The following DAPK1 variants were observed in gnomAD, a reference collection of about 807,000 sequenced individuals.
The protein encoded by DAPK1 is death-associated protein kinase 1.
A neutral mutation model predicts 144.9 loss-of-function variants in DAPK1; 56 were observed. The ratio of observed to expected loss-of-function variants is 0.39; its 90% CI spans 0.31 to 0.48. The LOEUF is 0.48. DAPK1 is among the 20% of genes least tolerant of loss of function. DAPK1 has a pLI of 0.95. For synonymous variants in DAPK1, 690 were observed against 749.0 expected (o/e 0.92, Z 1.29); for missense variants, 1,454 against 1,875.4 (o/e 0.78, Z 4.15).
intron 2 of DAPK1, among the ~76,000 whole-genome samples, chr9:87,555,016 A>G (rs1034796125): frequency 6.6e-6 from 1 of 152,194 alleles, no homozygotes; most frequent in Non-Finnish European, 1.5e-5. Context: ...ACCATGGAGG[A>G]ACCCTGCAGG....
chr9:87,674,327 C>A (rs758473982), intron 19 of DAPK1, among the ~76,000 whole-genome samples: 4 of 151,488 alleles, frequency 2.6e-5, no homozygotes, highest in Non-Finnish European at 4.4e-5. Context: ...GGTGAAACCC[C>A]GTCTCTACAA....
At chr9:87,637,684 C>G (rs182287506) in intron 3 of DAPK1, among the ~76,000 whole-genome samples, 194 of 152,304 alleles carry the variant, frequency 1.3e-3, no homozygotes, top group African/African-American at 4.5e-3. Context: ...TTCTTCACAG[C>G]ATTTCATCTC....
At chr9:87,675,895 A>ACC (rs3220102) in intron 19 of DAPK1, among the ~76,000 whole-genome samples, 52 of 132,896 alleles carry the variant, frequency 3.9e-4, no homozygotes, top group African/African-American at 5.8e-4. Flanking sequence ...ACACACACAC[A>ACC]CCCTTATGAC....
intron 2 of DAPK1, among the ~76,000 whole-genome samples, chr9:87,538,865 G>T (rs1825945996): frequency 1.3e-5 from 2 of 151,796 alleles, no homozygotes; most frequent in South Asian, 2.1e-4. Flanking sequence ...AAGTGTTTTT[G>T]TGTCATTGGC....
intron 2 of DAPK1, among the ~76,000 whole-genome samples, chr9:87,505,328 T>C (rs1824546226): frequency 6.6e-6 from 1 of 152,358 alleles, no homozygotes; most frequent in East Asian, 1.9e-4. Context: ...AGGGGAGTGG[T>C]TTCCATTGGG....
At chr9:87,551,171 G>A (rs531672677) in intron 2 of DAPK1, among the ~76,000 whole-genome samples, 30 of 151,236 alleles carry the variant, frequency 2.0e-4, no homozygotes, top group South Asian at 1.9e-3. Flanking sequence ...TTTTTGAGGC[G>A]GAGTCTCGCT....
rs1564056394 is a variant in DAPK1 at position 87,662,571 on chromosome 9, T to TTTTTTTTTG, written c.1923+4452_1923+4453insGTTTTTTTT. Among the ~76,000 whole-genome samples, 44 of 121,356 alleles carry TTTTTTTTTG rather than the reference T, an allele frequency of 3.6e-4. 1 individual carries two copies. The highest frequency in any genetic ancestry group is 1.2e-3 in the African/African-American group (40 of 33,342). The allele number at this position is 121,356 out of a possible 152,430, so 79.6% of individuals were successfully genotyped here. ...TAAATATATTCCTAGTTTTTTTTTTTTTTTTTTTTTTTTTGGTAGCTATTG... is the reference window on the plus strand; with the variant it reads ...TAAATATATTCCTAGTTTTTTTTTTTTTTTTTTTGTTTTTTTTTTTTTTGGTAGCTATTG... On this transcript the variant is annotated intron_variant, in intron 18 of 25. Transcript: ENST00000408954.
At chr9:87,674,148 G>A (rs1824275316) in intron 19 of DAPK1, among the ~76,000 whole-genome samples, 1 of 152,136 alleles carries the variant, frequency 6.6e-6, no homozygotes. Flanking sequence ...GGGTTGAGGA[G>A]TTGGCTTATT....
intron 2 of DAPK1, among the ~76,000 whole-genome samples, chr9:87,505,898 G>A (rs967157603): frequency 1.3e-5 from 2 of 152,074 alleles, no homozygotes; most frequent in Non-Finnish European, 2.9e-5. Context: ...ATGTTGGCTA[G>A]GCTGGTCTTG....
intron 17 of DAPK1, chr9:87,657,795 A>C (rs1412675481): frequency 1.9e-6 from 1 of 528,854 alleles, no homozygotes; most frequent in Non-Finnish European, 3.4e-6. Context: ...CAGGAAACTT[A>C]CTTAAGTTAT....
intron 22 of DAPK1, 82 bp from the exon 23 acceptor site, chr9:87,698,574 C>G: frequency 1.2e-6 from 1 of 845,606 alleles, no homozygotes; most frequent in South Asian, 1.5e-5. Flanking sequence ...GGCATGAGGC[C>G]AACACACCGC....
At chr9:87,659,601 C>T (rs1830758967) in intron 18 of DAPK1, among the ~76,000 whole-genome samples, 1 of 152,184 alleles carries the variant, frequency 6.6e-6, no homozygotes, top group Non-Finnish European at 1.5e-5. Flanking sequence ...CTGTAGGGTC[C>T]CTCCGTGAGC....
At chr9:87,563,463 T>G (rs1827004610) in intron 2 of DAPK1, among the ~76,000 whole-genome samples, 1 of 152,218 alleles carries the variant, frequency 6.6e-6, no homozygotes, top group African/African-American at 2.4e-5. Context: ...TGTGCCTCCC[T>G]GTTGCATCTT....
Position 87,671,817 on chromosome 9 carries a change from A to G in DAPK1, c.2001+3143A>G, listed in dbSNP as rs528922379. On this transcript the variant is annotated intron_variant, in intron 19 of 25. Transcript: ENST00000408954. ...GCGTGAGCCACTGCACCTGGTCAGA[A>G]TAGTCATCTTAATGCCCTAATTAAA... Among the ~76,000 whole-genome samples the G allele has an allele frequency of 1.4e-4, 21 of 152,348 alleles. No individual in the cohort carries two copies. In the East Asian group the frequency reaches 4.1e-3, roughly 29 times the overall value.
chr9:87,592,696 G>C (rs1165010574), intron 2 of DAPK1, among the ~76,000 whole-genome samples: 1 of 152,130 alleles, frequency 6.6e-6, no homozygotes, highest in Non-Finnish European at 1.5e-5. Context: ...CGGGCCGCGG[G>C]GGTGAGGTCA....
intron 2 of DAPK1, among the ~76,000 whole-genome samples, chr9:87,571,209 G>A (rs1223001513): frequency 6.6e-6 from 1 of 151,998 alleles, no homozygotes; most frequent in Non-Finnish European, 1.5e-5. Context: ...GCCATTACCT[G>A]AGGACAAGAT....
chr9:87,520,770 T>C (rs1313894003), intron 2 of DAPK1, among the ~76,000 whole-genome samples: 1 of 152,234 alleles, frequency 6.6e-6, no homozygotes, highest in Non-Finnish European at 1.5e-5. Flanking sequence ...TATACATACA[T>C]ACCTGTGTGC....
At chr9:87,541,917 G>A (rs548688043) in intron 2 of DAPK1, among the ~76,000 whole-genome samples, 2 of 152,294 alleles carry the variant, frequency 1.3e-5, no homozygotes, top group African/African-American at 4.8e-5. Context: ...AGATCAGTGA[G>A]TGCCTTTGTT....
intron 2 of DAPK1, among the ~76,000 whole-genome samples, chr9:87,502,299 G>A (rs1372953552): frequency 6.6e-6 from 1 of 152,170 alleles, no homozygotes; most frequent in African/African-American, 2.4e-5. Flanking sequence ...TCTTTAGAAG[G>A]GTGCTTGGTG....
Sources: allele counts gnomAD v4.1 joint callset (sites outside exome capture counted in the v4.1 genomes callset), GRCh38; gene constraint gnomAD v4.1.1; transcripts MANE v1.5; gene names NCBI Gene and HGNC (gene_info 2026-07-23, HGNC 2026-07-21).